Variants in FAM118B observed in about 807,000 individuals in gnomAD.
FAM118B encodes protein FAM118B.
Under a neutral mutation model 38.5 loss-of-function variants are expected in FAM118B, and 24 were observed. The observed-to-expected ratio is 0.62, with a 90% CI of 0.45 to 0.88. FAM118B has a LOEUF of 0.88. FAM118B is among the 40% of genes least tolerant of loss of function. FAM118B has a pLI of 0.00. For synonymous variants in FAM118B, 138 were observed against 156.3 expected (o/e 0.88, Z 0.87); for missense variants, 334 against 420.0 (o/e 0.80, Z 1.79).
In FAM118B at chr11:126,250,722, G is replaced by A; in HGVS notation, c.556G>A (p.Asp186Asn). The A allele has an allele frequency of 6.2e-7, 1 of 1,611,888 alleles. No homozygotes were observed. The highest frequency in any genetic ancestry group is 8.5e-7 in the Non-Finnish European group (1 of 1,178,384). Residue 186 changes from aspartate to asparagine, a missense_variant, in exon 5 of 9, where the codon GAT becomes AAT. Physicochemically the swap from Asp to Asn is conservative, Grantham distance 23. Around this residue, in one of 3 missense-constraint regions of FAM118B, gnomAD observed 240 missense variants for 295.9 expected, o/e 0.81. Transcript: ENST00000533050. The surrounding 1 kb of genome is among the most constrained non-coding windows in gnomAD (Gnocchi z 5.1). ...GKQLESLDLT[D>N]EKKVLEWAQE... ...ACAGCTTGAATCCCTTGACCTTACT[G>A]ATGAGAAAAAGGTAAAAAGTAAAGC...
rs1950395732 is a variant in FAM118B, at chr11:126,244,387, C to T, written c.339+3343C>T. On this transcript the variant is annotated intron_variant, in intron 4 of 8. Coordinates refer to ENST00000533050, the MANE Select transcript of FAM118B (RefSeq NM_024556.4). This position sits in a 1 kb window ranked among gnomAD's most constrained non-coding sequence, Gnocchi z 4.5. ...ACAAGCTTAGCAAGGTTGGAGAATC[C>T]GGGATCAATATATAAAAATAGTATT... is the stretch of plus-strand genomic sequence containing the variant. Among the ~76,000 whole-genome samples the T allele has an allele frequency of 6.6e-6, 1 of 152,006 alleles. No individual in the cohort carries two copies. Among genetic ancestry groups the T allele is most frequent in the East Asian group, 1.9e-4 (1 of 5,194 alleles).
At chr11:126,216,345 C>T (rs903920135) in intron 1 of FAM118B, among the ~76,000 whole-genome samples, 1 of 152,038 alleles carries the variant, frequency 6.6e-6, no homozygotes, top group Admixed American at 6.5e-5. Context: ...CATTGCACTC[C>T]AGCCTAGGTG....
chr11:126,261,436 A>G lies in FAM118B; in HGVS notation c.994A>G (p.Arg332Gly). 2.5e-6 allele frequency: 4 copies of G among 1,613,896 alleles called. No homozygotes were observed. Among genetic ancestry groups the G allele is most frequent in the Non-Finnish European group, 3.4e-6 (4 of 1,179,796 alleles). ...STRGTSAGMV[R>G]EGQLNGSSAA... is the part of the protein sequence containing the mutation. ...TGTCCTCTATTTAGCAGGGATGGTG[A>G]GAGAAGGTCAGCTAAATGGCTCATC... The change falls in exon 8 of 9, where the codon AGA (arginine) becomes GGA (glycine). Residue 332 changes from arginine (R) to glycine (G), a missense_variant. Physicochemically the swap from Arg to Gly is moderately radical, Grantham distance 125. Coordinates refer to ENST00000533050, the MANE Select transcript of FAM118B (RefSeq NM_024556.4).
At chr11:126,230,136 C>G (rs1950189932) in intron 2 of FAM118B, among the ~76,000 whole-genome samples, 1 of 152,182 alleles carries the variant, frequency 6.6e-6, no homozygotes, top group South Asian at 2.1e-4. Flanking sequence ...GACATGATTC[C>G]TGTCTCCCTG....
At chr11:126,240,742 CCTCATA>C in intron 3 of FAM118B, 44 bp from the exon 4 acceptor site, 1 of 1,519,048 alleles carries the variant, frequency 6.6e-7, no homozygotes, top group Non-Finnish European at 8.9e-7. Flanking sequence ...TTTCTGTGTG[CCTCATA>C]TCTATTGGAT....
intron 1 of FAM118B, among the ~76,000 whole-genome samples, chr11:126,213,032 T>C (rs1949910090): frequency 6.6e-6 from 1 of 152,140 alleles, no homozygotes; most frequent in Admixed American, 6.6e-5. Context: ...TCTGGTCTTT[T>C]CCCCCTACAC....
intron 1 of FAM118B, among the ~76,000 whole-genome samples, chr11:126,219,844 T>C (rs1382432988): frequency 2.0e-5 from 2 of 101,574 alleles, no homozygotes; most frequent in African/African-American, 3.8e-5. Context: ...ACTGTACTTA[T>C]TAAAATTAAC....
In FAM118B at chr11:126,222,037, C is replaced by T. The variant is rs190644246; in HGVS notation, c.-76-7188C>T. On this transcript the variant is annotated intron_variant, in intron 1 of 8. Transcript: ENST00000533050. ...GTAGACTTGTTAAGAGTGTGGCCCA[C>T]GGCTTGTTCGTTTTTGTGAGATGGT... Among the ~76,000 whole-genome samples, 437 of 152,024 alleles carry T rather than the reference C, an allele frequency of 2.9e-3. 4 individuals carry two copies. Among genetic ancestry groups the T allele is most frequent in the African/African-American group, 9.7e-3 (402 of 41,456 alleles).
At chr11:126,231,511 T>G (rs981953423) in intron 2 of FAM118B, among the ~76,000 whole-genome samples, 2 of 152,212 alleles carry the variant, frequency 1.3e-5, no homozygotes, top group Non-Finnish European at 1.5e-5. Context: ...TGAGGCATCC[T>G]TTAGGGTAAA....
At position 126,250,678 on chromosome 11, in the gene FAM118B, A is replaced by G. The variant is rs752796768; in HGVS notation, c.512A>G (p.Tyr171Cys). 39 of 1,614,168 alleles carry G rather than the reference A, an allele frequency of 2.4e-5. No individual in the cohort carries two copies. The highest frequency in any genetic ancestry group is 3.1e-5 in the Non-Finnish European group (37 of 1,180,018). The part of the protein sequence containing the change: ...TTNFDNLLEL[Y>C]AADQGKQLES... ...AATTTTGATAATCTCTTGGAACTGT[A>G]TGCAGCAGATCAGGGGAAACAGCTT... The change falls in exon 5 of 9, where the codon TAT (tyrosine) becomes TGT (cysteine). Residue 171 changes from tyrosine to cysteine, a missense_variant. Physicochemically the swap from Tyr to Cys is radical, Grantham distance 194. Transcript: ENST00000533050. This position sits in a 1 kb window ranked among gnomAD's most constrained non-coding sequence, Gnocchi z 5.1.
chr11:126,247,195 GGCAGGAAGATTGCTTGAGCCCA>G (rs1195791385), intron 4 of FAM118B, among the ~76,000 whole-genome samples: 1 of 152,114 alleles, frequency 6.6e-6, no homozygotes, highest in Non-Finnish European at 1.5e-5. Flanking sequence ...GGGAGACTGA[GGCAGGAAGATTGCTTGAGCCCA>G]GCAGGTCAAG....
intron 1 of FAM118B, among the ~76,000 whole-genome samples, chr11:126,213,926 A>T (rs1399224738): frequency 6.6e-6 from 1 of 152,208 alleles, no homozygotes; most frequent in Admixed American, 6.5e-5. Context: ...AAATTTAAAG[A>T]ATTCAAAGTT....
At position 126,241,035 on chromosome 11, in the gene FAM118B, A is replaced by T. The variant is rs767568136; in HGVS notation, c.330A>T (p.Lys110Asn). 2.5e-6 allele frequency: 4 copies of T among 1,591,884 alleles called. No homozygotes were observed. The stretch of plus-strand genomic sequence containing the variant: ...ATGTTGCCCATGACCTTATCCAGAA[A>T]CTCTCTCCTGTGAGTACCCTAGTAT... Reference protein sequence around the residue: ...LVHVAHDLIQKLSPRTSNVRS... With the variant: ...LVHVAHDLIQNLSPRTSNVRS... The change falls in exon 4 of 9, where the codon AAA becomes AAT. Residue 110 changes from lysine to asparagine, a missense_variant. Physicochemically the swap from Lys to Asn is moderately conservative, Grantham distance 94 (BLOSUM62 0). Transcript: ENST00000533050.
At position 126,253,797 on chromosome 11, in the gene FAM118B, C is replaced by T. The variant is rs1426064469; in HGVS notation, c.568-508C>T. On this transcript the variant is annotated intron_variant, in intron 5 of 8. Coordinates refer to ENST00000533050, the MANE Select transcript of FAM118B (RefSeq NM_024556.4). This position sits in a 1 kb window ranked among gnomAD's most constrained non-coding sequence, Gnocchi z 5.1. ...CTAGCCCAGGCTTCTTCACTTTCTT[C>T]GCATGGCAGCTGGATTCCAAAAGTA... is the stretch of plus-strand genomic sequence containing the variant. Among the ~76,000 whole-genome samples the T allele has an allele frequency of 2.6e-5, 4 of 152,218 alleles. No homozygotes were observed. The highest frequency in any genetic ancestry group is 2.9e-5 in the Non-Finnish European group (2 of 68,044).
intron 4 of FAM118B, among the ~76,000 whole-genome samples, chr11:126,246,977 C>T (rs1485344901): frequency 1.5e-5 from 2 of 135,474 alleles, no homozygotes; most frequent in South Asian, 2.4e-4. Flanking sequence ...GGAAACAAAG[C>T]GGGACCCCCT....
At position 126,252,175 on chromosome 11, in the gene FAM118B, C is replaced by G. The variant is rs1950513195; in HGVS notation, c.567+1442C>G. Among the ~76,000 whole-genome samples the G allele has an allele frequency of 6.6e-6, 1 of 151,986 alleles. No individual in the cohort carries two copies. The highest frequency in any genetic ancestry group is 2.4e-5 in the African/African-American group (1 of 41,374). Reference sequence around the variant, plus strand: ...CTAATTTTTGTATTTTCAGTAGAGACAGGGTTTCACCATGTTGGCCAGGCT... The same window carrying G: ...CTAATTTTTGTATTTTCAGTAGAGAGAGGGTTTCACCATGTTGGCCAGGCT... On this transcript the variant is annotated intron_variant, in intron 5 of 8. Coordinates refer to ENST00000533050, the MANE Select transcript of FAM118B (RefSeq NM_024556.4). The surrounding 1 kb of genome is among the most constrained non-coding windows in gnomAD (Gnocchi z 4.7).
chr11:126,238,255 G>A (rs760835037), intron 3 of FAM118B, among the ~76,000 whole-genome samples: 3 of 152,064 alleles, frequency 2.0e-5, no homozygotes, highest in Non-Finnish European at 2.9e-5. Flanking sequence ...CCAGCTACTC[G>A]GGAGGCTGAA....
intron 7 of FAM118B, among the ~76,000 whole-genome samples, chr11:126,259,646 C>A (rs1393646797): frequency 6.6e-6 from 1 of 151,236 alleles, no homozygotes; most frequent in African/African-American, 2.4e-5. Context: ...AGGATGGTCT[C>A]GGTCTCCTGA....
chr11:126,224,212 C>A (rs1023702365), intron 1 of FAM118B, among the ~76,000 whole-genome samples: 1 of 152,102 alleles, frequency 6.6e-6, no homozygotes, highest in African/African-American at 2.4e-5. Flanking sequence ...GTGACTCTCG[C>A]CTTTAATCCC....
Sources: allele counts gnomAD v4.1 joint callset (sites outside exome capture counted in the v4.1 genomes callset), GRCh38; gene constraint gnomAD v4.1.1; regional missense constraint gnomAD v4.1.1; non-coding constraint Gnocchi (gnomAD v3.1); transcripts MANE v1.5; gene names NCBI Gene and HGNC (gene_info 2026-07-23, HGNC 2026-07-21).